The following CCSER1 variants were observed in gnomAD, a reference collection of about 807,000 sequenced individuals.
The protein encoded by CCSER1 is serine-rich coiled-coil domain-containing protein 1.
In CCSER1, 41 loss-of-function variants were observed where a neutral mutation model predicts 82.0. That is an observed-to-expected ratio of 0.50 (90% CI 0.39 to 0.65). CCSER1 has a LOEUF of 0.65. Among genes scored for constraint, CCSER1 ranks in the 30% least tolerant of loss-of-function variants. The probability of loss-of-function intolerance (pLI) is 0.00; values close to 1 mark genes in which losing one functional copy is unlikely to be tolerated. For synonymous variants in CCSER1, 414 were observed against 383.9 expected (o/e 1.08, Z -0.92); for missense variants, 1,119 against 1,064.2 (o/e 1.05, Z -0.72).
At chr4:90,988,880 A>C (rs1736801547) in intron 9 of CCSER1, among the ~76,000 whole-genome samples, 1 of 151,734 alleles carries the variant, frequency 6.6e-6, no homozygotes, top group African/African-American at 2.4e-5. Context: ...GGGGTTTTTT[A>C]TTTTATGTCA....
chr4:90,268,475 G>A (rs896019195), intron 1 of CCSER1, among the ~76,000 whole-genome samples: 6 of 152,036 alleles, frequency 3.9e-5, no homozygotes, highest in African/African-American at 1.4e-4. Flanking sequence ...GTTGTCATCA[G>A]TTTAAAATAA....
intron 9 of CCSER1, among the ~76,000 whole-genome samples, chr4:91,029,144 T>A (rs1436968010): frequency 6.6e-6 from 1 of 152,012 alleles, no homozygotes; most frequent in Admixed American, 6.6e-5. Context: ...TGACTGTGAA[T>A]CTGCTAGTCA....
intron 4 of CCSER1, among the ~76,000 whole-genome samples, chr4:90,417,007 G>C (rs1024218046): frequency 6.6e-6 from 1 of 152,084 alleles, no homozygotes; most frequent in African/African-American, 2.4e-5. Context: ...ATGAGAACAC[G>C]TGGACACACG....
At chr4:90,496,971 C>CAAAGAA (rs1769116242) in intron 5 of CCSER1, among the ~76,000 whole-genome samples, 1 of 55,226 alleles carries the variant, frequency 1.8e-5, no homozygotes, top group Non-Finnish European at 3.8e-5. Context: ...AGCGAGACTA[C>CAAAGAA]AAAAAAAAAA....
chr4:91,453,773 AC>A (rs991896659), intron 10 of CCSER1, among the ~76,000 whole-genome samples: 6 of 152,084 alleles, frequency 3.9e-5, no homozygotes, highest in Non-Finnish European at 5.9e-5. Context: ...CTTGGAAGAA[AC>A]AGAAGAAATT....
chr4:90,427,274 A>T (rs1341312257), intron 4 of CCSER1, among the ~76,000 whole-genome samples: 2 of 151,846 alleles, frequency 1.3e-5, no homozygotes, highest in Non-Finnish European at 2.9e-5. Context: ...AAAAAATAAT[A>T]GTTTAGGAAA....
intron 10 of CCSER1, among the ~76,000 whole-genome samples, chr4:91,432,071 G>A (rs1418445298): frequency 6.6e-6 from 1 of 152,150 alleles, no homozygotes; most frequent in Non-Finnish European, 1.5e-5. Context: ...TAGTGAGGGA[G>A]TTCTGGTGAG....
At chr4:91,503,872 A>G (rs1759349811) in intron 10 of CCSER1, among the ~76,000 whole-genome samples, 1 of 152,210 alleles carries the variant, frequency 6.6e-6, no homozygotes, top group South Asian at 2.1e-4. Flanking sequence ...TGATTATATT[A>G]ACTATTTTCA....
chr4:91,297,381 G>A (rs377247979), intron 10 of CCSER1, among the ~76,000 whole-genome samples: 13 of 96,140 alleles, frequency 1.4e-4, no homozygotes, highest in South Asian at 8.4e-4. Context: ...GTGTGTGTGT[G>A]TGTATGTGTG....
intron 10 of CCSER1, among the ~76,000 whole-genome samples, chr4:91,408,148 T>C (rs1444254425): frequency 2.0e-5 from 3 of 152,214 alleles, no homozygotes; most frequent in Non-Finnish European, 4.4e-5. Flanking sequence ...GAGATGTTCA[T>C]GATGTTTAAA....
At chr4:90,969,364 A>G (rs1300022698) in intron 9 of CCSER1, among the ~76,000 whole-genome samples, 3 of 152,018 alleles carry the variant, frequency 2.0e-5, no homozygotes, top group Admixed American at 6.6e-5. Context: ...TAAAAATATT[A>G]TGAAAAGTAA....
At chr4:91,099,802 G>T (rs992282754) in intron 10 of CCSER1, among the ~76,000 whole-genome samples, 4 of 152,154 alleles carry the variant, frequency 2.6e-5, no homozygotes, top group South Asian at 4.1e-4. Context: ...GGAGACCAAG[G>T]TTCTTTTGAG....
chr4:90,901,016 ATC>A (rs1724560922), intron 8 of CCSER1, among the ~76,000 whole-genome samples: 1 of 151,934 alleles, frequency 6.6e-6, no homozygotes, highest in Admixed American at 6.6e-5. Context: ...CTTAAATTGA[ATC>A]ATTTAGCATC....
At chr4:91,154,099 C>T in intron 10 of CCSER1, among the ~76,000 whole-genome samples, 1 of 152,012 alleles carries the variant, frequency 6.6e-6, no homozygotes, top group East Asian at 1.9e-4. Flanking sequence ...CTATGCCCTG[C>T]CCCCAGAGGT....
intron 10 of CCSER1, among the ~76,000 whole-genome samples, chr4:91,174,393 A>G (rs573626620): frequency 6.6e-6 from 1 of 152,134 alleles, no homozygotes; most frequent in Non-Finnish European, 1.5e-5. Flanking sequence ...AATTATAACT[A>G]ATTTCCAAAA....
rs184763955 is a variant in CCSER1, at chr4:90,199,828, T to G, written c.-42+71997T>G. On this transcript the variant is annotated intron_variant, in intron 1 of 10. Coordinates refer to ENST00000509176, the MANE Select transcript of CCSER1 (RefSeq NM_001145065.2). ...TTTGAAGCATGTCGATGTGCCCATC[T>G]CCTTACATATAATATTGCTAATGCT... Among the ~76,000 whole-genome samples, 3 of 152,204 alleles carry G rather than the reference T, an allele frequency of 2.0e-5. No individual in the cohort carries two copies. In the East Asian group the frequency reaches 5.8e-4, roughly 29 times the overall value.
intron 1 of CCSER1, among the ~76,000 whole-genome samples, chr4:90,276,988 A>G (rs1189654945): frequency 1.3e-5 from 2 of 152,112 alleles, no homozygotes; most frequent in African/African-American, 2.4e-5. Context: ...TTTCAGTTCT[A>G]GGAGATTTTT....
intron 10 of CCSER1, among the ~76,000 whole-genome samples, chr4:91,470,248 A>G (rs1757188819): frequency 6.6e-6 from 1 of 152,210 alleles, no homozygotes; most frequent in Admixed American, 6.5e-5. Flanking sequence ...GATTGTAGAC[A>G]TTTAACATTT....
chr4:90,672,609 G>A (rs1733004198), intron 6 of CCSER1, among the ~76,000 whole-genome samples: 2 of 151,948 alleles, frequency 1.3e-5, no homozygotes, highest in South Asian at 4.1e-4. Context: ...ATTTCCTTCA[G>A]GAATGTTTTC....
Sources: gnomAD v4.1 joint callset for allele counts (sites outside exome capture counted in the v4.1 genomes callset) on GRCh38, gnomAD v4.1.1 for gene constraint, MANE v1.5 for transcripts, NCBI Gene and HGNC (gene_info 2026-07-23, HGNC 2026-07-21) for gene names.